CSNK1G3: variants seen among roughly 807,000 people sequenced by gnomAD.
CSNK1G3 encodes the protein casein kinase 1 gamma 3, also known as casein kinase I isoform gamma-3.
A neutral mutation model predicts 64.3 loss-of-function variants in CSNK1G3; 23 were observed. That is an observed-to-expected ratio of 0.36 (90% CI 0.26 to 0.51). The LOEUF (loss-of-function observed/expected upper bound fraction) is 0.51. CSNK1G3 is among the 20% of genes least tolerant of loss of function. The probability of loss-of-function intolerance (pLI) is 0.96; values close to 1 mark genes in which losing one functional copy is unlikely to be tolerated. For missense variants in CSNK1G3, 357 were observed against 510.5 expected (o/e 0.70, Z 2.90); for synonymous variants, 158 against 162.2 (o/e 0.97, Z 0.20).
At chr5:123,571,364 A>G (rs769383907) in intron 4 of CSNK1G3, among the ~76,000 whole-genome samples, 19 of 152,016 alleles carry the variant, frequency 1.2e-4, no homozygotes, top group African/African-American at 3.1e-4. Flanking sequence ...GCTCACTGCA[A>G]TCTCCGCCTC....
At chr5:123,603,098 C>T (rs1282446564) in intron 10 of CSNK1G3, among the ~76,000 whole-genome samples, 2 of 152,036 alleles carry the variant, frequency 1.3e-5, no homozygotes, top group Admixed American at 6.6e-5. Context: ...ATTTGATGTA[C>T]AAGAAAATGA....
chr5:123,595,223 TAATGGAA>T, intron 10 of CSNK1G3, 89 bp downstream of exon 11: 1 of 1,196,822 alleles, frequency 8.4e-7, no homozygotes. Context: ...TTTCATATCT[TAATGGAA>T]AATTTGTTGC....
chr5:123,535,553 G>A (rs1780653924), intron 1 of CSNK1G3, among the ~76,000 whole-genome samples: 1 of 151,944 alleles, frequency 6.6e-6, no homozygotes, highest in African/African-American at 2.4e-5. Flanking sequence ...TTTGTTAAAA[G>A]TATTTTTGAA....
chr5:123,519,280 C>T (rs555874615), intron 1 of CSNK1G3, among the ~76,000 whole-genome samples: 295 of 152,268 alleles, frequency 1.9e-3, no homozygotes, highest in African/African-American at 6.6e-3. Context: ...TCTTGAACTC[C>T]TGACCTCAGG....
rs200342794 is a variant in CSNK1G3 at position 123,559,499 on chromosome 5, A to T, written c.289+1935A>T. On this transcript the variant is annotated intron_variant, in intron 4 of 12. Transcript: ENST00000345990. The stretch of plus-strand genomic sequence containing the variant: ...GTATGCCATAGGACTGCAGTGTTGC[A>T]CAACTGCAGGGACCACCATTTACAG... 3.3e-5 allele frequency among the ~76,000 whole-genome samples: 5 copies of T among 152,192 alleles called. No individual in the cohort carries two copies. The East Asian group carries it at 9.6e-4, about 29-fold the overall frequency.
chr5:123,604,642 G>T, intron 10 of CSNK1G3, 82 bp from the exon 12 acceptor site: 2 of 661,848 alleles, frequency 3.0e-6, no homozygotes, highest in African/African-American at 1.8e-5. Context: ...GTTTATCCTT[G>T]TATAACCTAT....
chr5:123,544,866 G>T (rs1315795701), intron 1 of CSNK1G3, among the ~76,000 whole-genome samples: 1 of 151,972 alleles, frequency 6.6e-6, no homozygotes, highest in Non-Finnish European at 1.5e-5. Context: ...TTTGAGGGGT[G>T]GGAAGAATGT....
At chr5:123,546,355 A>G (rs1042105221) in intron 2 of CSNK1G3, among the ~76,000 whole-genome samples, 1 of 152,042 alleles carries the variant, frequency 6.6e-6, no homozygotes, top group Admixed American at 6.6e-5. Flanking sequence ...TATTCTTAAC[A>G]AGGGGCTCAG....
chr5:123,550,585 A>T (rs1360088324), intron 2 of CSNK1G3, among the ~76,000 whole-genome samples: 1 of 152,230 alleles, frequency 6.6e-6, no homozygotes, highest in African/African-American at 2.4e-5. Context: ...TTTGAAGAAC[A>T]TAGTTTTTGA....
chr5:123,566,743 AT>A (rs1462399503), intron 4 of CSNK1G3, among the ~76,000 whole-genome samples: 1 of 152,162 alleles, frequency 6.6e-6, no homozygotes, highest in Non-Finnish European at 1.5e-5. Flanking sequence ...TGTAAATATC[AT>A]TTTAAGTTTT....
intron 1 of CSNK1G3, among the ~76,000 whole-genome samples, chr5:123,528,858 T>TAA (rs1401305396): frequency 6.6e-6 from 1 of 152,214 alleles, no homozygotes; most frequent in Non-Finnish European, 1.5e-5. Context: ...TTTGTAACCC[T>TAA]AAACTCAGTA....
At chr5:123,547,880 A>G (rs775524479) in intron 2 of CSNK1G3, among the ~76,000 whole-genome samples, 17 of 152,120 alleles carry the variant, frequency 1.1e-4, no homozygotes, top group Non-Finnish European at 2.1e-4. Flanking sequence ...TTTGTTAAGA[A>G]AATGTTATTA....
intron 3 of CSNK1G3, among the ~76,000 whole-genome samples, chr5:123,555,036 T>C (rs950220139): frequency 5.3e-5 from 8 of 152,242 alleles, no homozygotes; most frequent in Admixed American, 5.2e-4. Flanking sequence ...CATACACATA[T>C]ATCACTTTTT....
exon 10 of CSNK1G3, chr5:123,591,347 A>T: frequency 6.2e-7 from 1 of 1,610,182 alleles, no homozygotes; most frequent in Non-Finnish European, 8.5e-7. Context: ...GTTCAGCAAG[A>T]TCCTGCTCTG....
At chr5:123,528,504 G>C (rs1360473793) in intron 1 of CSNK1G3, among the ~76,000 whole-genome samples, 1 of 152,164 alleles carries the variant, frequency 6.6e-6, no homozygotes, top group Non-Finnish European at 1.5e-5. Context: ...GAGGACATCA[G>C]ATTAACAAAT....
At chr5:123,600,567 A>G (rs910528830) in intron 10 of CSNK1G3, among the ~76,000 whole-genome samples, 145 of 151,734 alleles carry the variant, frequency 9.6e-4, no homozygotes, top group African/African-American at 2.7e-3. Flanking sequence ...GGAGGTTGCA[A>G]TGAGCCAAGA....
At position 123,577,418 on chromosome 5, in the gene CSNK1G3, C is replaced by T. The variant is rs1015162177; in HGVS notation, c.673+1455C>T. On this transcript the variant is annotated intron_variant, in intron 6 of 12. Coordinates refer to ENST00000345990, the Ensembl canonical transcript of CSNK1G3. ...CTACATATATACGTATGTATACACA[C>T]ACACAGAGACATACGTTAATATCTG... is the stretch of plus-strand genomic sequence containing the variant. Among the ~76,000 whole-genome samples, 3 of 152,042 alleles carry T rather than the reference C, an allele frequency of 2.0e-5. No homozygotes were observed. The South Asian group carries it at 6.2e-4, about 32-fold the overall frequency.
chr5:123,541,885 G>A (rs889537547), intron 1 of CSNK1G3, among the ~76,000 whole-genome samples: 4 of 151,798 alleles, frequency 2.6e-5, no homozygotes, highest in African/African-American at 4.8e-5. Flanking sequence ...TATCTTGTAT[G>A]TCTTTTGTTT....
At chr5:123,610,019 C>G (rs1796043039) in intron 12 of CSNK1G3, among the ~76,000 whole-genome samples, 1 of 152,098 alleles carries the variant, frequency 6.6e-6, no homozygotes, top group African/African-American at 2.4e-5. Context: ...TTGAAAAGTT[C>G]AGAACTCAGC....
Sources: allele counts gnomAD v4.1 joint callset (sites outside exome capture counted in the v4.1 genomes callset), GRCh38; gene constraint gnomAD v4.1.1; transcripts MANE v1.5; gene names NCBI Gene and HGNC (gene_info 2026-07-23, HGNC 2026-07-21).